Variants in C11orf65 observed in about 807,000 individuals in gnomAD.
C11orf65 encodes the protein protein MFI.
A neutral mutation model predicts 35.3 loss-of-function variants in C11orf65; 38 were observed. The ratio of observed to expected loss-of-function variants is 1.08; its 90% confidence interval spans 0.83 to 1.41. The LOEUF is 1.41. Among genes scored for constraint, C11orf65 ranks in the 40% most tolerant of loss-of-function variants. The pLI, the probability that C11orf65 is intolerant of heterozygous loss-of-function variation, is 0.00. For missense variants in C11orf65, 370 were observed against 367.1 expected, an observed-to-expected ratio of 1.01 and a Z score of -0.06; for synonymous variants, 105 against 114.4, an observed-to-expected ratio of 0.92 and a Z score of 0.53.
intron 2 of C11orf65, chr11:108,355,016 G>T: frequency 1.4e-6 from 1 of 716,944 alleles, no homozygotes. Flanking sequence ...AGGAGATTGT[G>T]CACTTAGCCT....
chr11:108,436,818 T>C (rs921797459), intron 2 of C11orf65, among the ~76,000 whole-genome samples: 2 of 152,156 alleles, frequency 1.3e-5, no homozygotes, highest in African/African-American at 4.8e-5. Flanking sequence ...TGGAATGCCA[T>C]CTGAGTGCTG....
chr11:108,394,956 C>A (rs1213568874), intron 6 of C11orf65, among the ~76,000 whole-genome samples: 1 of 151,596 alleles, frequency 6.6e-6, no homozygotes, highest in African/African-American at 2.4e-5. Flanking sequence ...CACAGTGAGA[C>A]CCCATCTCTA....
At chr11:108,431,188 T>C (rs1304968843) in intron 3 of C11orf65, among the ~76,000 whole-genome samples, 1 of 151,016 alleles carries the variant, frequency 6.6e-6, no homozygotes, top group Non-Finnish European at 1.5e-5. Context: ...AAAAAAAAAA[T>C]GTGTACACTT....
intron 2 of C11orf65, chr11:108,365,343 CAACAAAGT>C: frequency 6.2e-7 from 1 of 1,614,162 alleles, no homozygotes; most frequent in Non-Finnish European, 8.5e-7. Context: ...ACCAGAGTTT[CAACAAAGT>C]AGCTGAACGT....
At chr11:108,431,685 ATAAAG>A (rs751163164) in intron 3 of C11orf65, 56 bp downstream of exon 3, 77 of 892,206 alleles carry the variant, frequency 8.6e-5, no homozygotes, top group Non-Finnish European at 6.7e-5. Flanking sequence ...CACTGAATTG[ATAAAG>A]TAATCACATT....
At chr11:108,415,323 G>C (rs1395548148) in intron 3 of C11orf65, among the ~76,000 whole-genome samples, 2 of 152,012 alleles carry the variant, frequency 1.3e-5, no homozygotes, top group Non-Finnish European at 2.9e-5. Context: ...TAAGCAACCA[G>C]AATTTGAAAT....
intron 6 of C11orf65, among the ~76,000 whole-genome samples, chr11:108,321,920 T>A (rs1253822320): frequency 1.3e-5 from 2 of 152,214 alleles, no homozygotes; most frequent in Non-Finnish European, 2.9e-5. Flanking sequence ...AATTTAAGTT[T>A]TAAAAATTCA....
At chr11:108,445,628 C>T (rs956503877) in intron 2 of C11orf65, among the ~76,000 whole-genome samples, 4 of 151,978 alleles carry the variant, frequency 2.6e-5, no homozygotes, top group African/African-American at 7.3e-5. Flanking sequence ...CTGTATGTCA[C>T]CATAATCAAA....
intron 2 of C11orf65, among the ~76,000 whole-genome samples, chr11:108,345,375 T>TC (rs2088199171): frequency 6.6e-6 from 1 of 152,202 alleles, no homozygotes; most frequent in Admixed American, 6.5e-5. Flanking sequence ...ATTCTTCTGT[T>TC]CTTTCTCTTT....
intron 2 of C11orf65, chr11:108,355,130 C>G: frequency 2.1e-6 from 1 of 486,670 alleles, no homozygotes; most frequent in Non-Finnish European, 3.7e-6. Context: ...ATTCATAAAT[C>G]AATTCTTTGA....
intron 2 of C11orf65, chr11:108,368,294 A>C (rs2091437616): frequency 4.7e-6 from 1 of 211,558 alleles, no homozygotes; most frequent in South Asian, 1.9e-4. Context: ...GCCTCAAAAA[A>C]AAAAAAAAAA....
intron 3 of C11orf65, among the ~76,000 whole-genome samples, chr11:108,413,624 C>T (rs1023342059): frequency 7.9e-5 from 12 of 152,164 alleles, no homozygotes; most frequent in African/African-American, 2.7e-4. Flanking sequence ...GAAGCGCTTT[C>T]AACTTTTCCC....
At position 108,461,376 on chromosome 11, in the gene C11orf65, G is replaced by A. The variant is rs964859815; in HGVS notation, c.81+103C>T. ...TATCATGCCACTGCACTCCAGCCTAGGCAACAGAGAGAGATTCTGTCTTAA... is the reference window on the plus strand; with the variant it reads ...TATCATGCCACTGCACTCCAGCCTAAGCAACAGAGAGAGATTCTGTCTTAA... On this transcript the variant is annotated intron_variant, in intron 2 of 8. Coordinates refer to ENST00000393084, the MANE Select transcript of C11orf65 (RefSeq NM_152587.5). 8.0e-6 allele frequency: 7 copies of A among 880,276 alleles called. No individual in the cohort carries two copies. The Admixed American group carries it at 1.5e-4, about 19-fold the overall frequency. 54.5% of individuals were successfully genotyped at this position (880,276 alleles called of 1,614,324 possible).
chr11:108,345,025 G>C (rs2088137220), intron 2 of C11orf65, among the ~76,000 whole-genome samples: 1 of 152,056 alleles, frequency 6.6e-6, no homozygotes, highest in African/African-American at 2.4e-5. Flanking sequence ...AAAAATGTTG[G>C]AGAAAAGGAG....
intron 2 of C11orf65, chr11:108,365,346 C>G: frequency 6.2e-7 from 1 of 1,614,168 alleles, no homozygotes; most frequent in Non-Finnish European, 8.5e-7. Flanking sequence ...AGAGTTTCAA[C>G]AAAGTAGCTG....
At chr11:108,440,076 A>C (rs2093126262) in intron 2 of C11orf65, among the ~76,000 whole-genome samples, 1 of 152,232 alleles carries the variant, frequency 6.6e-6, no homozygotes, top group East Asian at 1.9e-4. Flanking sequence ...TGGAAATAAC[A>C]GGACAAAGGT....
intron 2 of C11orf65, chr11:108,335,441 G>C: frequency 1.8e-6 from 1 of 541,710 alleles, no homozygotes. Context: ...GACGTCCTTT[G>C]CATCAGTATA....
chr11:108,433,261 C>CTA (rs938599313), intron 2 of C11orf65, among the ~76,000 whole-genome samples: 181 of 148,632 alleles, frequency 1.2e-3, no homozygotes, highest in Non-Finnish European at 2.1e-3. Flanking sequence ...ATATCTCTCT[C>CTA]TATATATATA....
chr11:108,449,038 C>G (rs1042493587), intron 2 of C11orf65, among the ~76,000 whole-genome samples: 8 of 152,080 alleles, frequency 5.3e-5, no homozygotes, highest in South Asian at 2.1e-4. Context: ...TTCACAATTG[C>G]TTCAAAGAGA....
Sources: allele counts gnomAD v4.1 joint callset (sites outside exome capture counted in the v4.1 genomes callset), GRCh38; gene constraint gnomAD v4.1.1; transcripts MANE v1.5; gene names NCBI Gene and HGNC (gene_info 2026-07-23, HGNC 2026-07-21).